The following CDK13 variants were observed in gnomAD, a reference collection of about 807,000 sequenced individuals.
The protein encoded by CDK13 is cyclin-dependent kinase 13.
CDK13 carries 40 observed loss-of-function variants against 137.6 expected under a neutral mutation model. That is an observed-to-expected ratio of 0.29 (90% CI 0.23 to 0.38). The LOEUF (loss-of-function observed/expected upper bound fraction) is 0.38, where lower values mean the gene tolerates loss of function less well. Ranked by LOEUF, CDK13 falls within the 10% of genes least tolerant of loss-of-function variation. The probability of loss-of-function intolerance (pLI) is 1.00; values close to 1 mark genes in which losing one functional copy is unlikely to be tolerated. For missense variants in CDK13, 1,704 were observed against 1,951.8 expected, an observed-to-expected ratio of 0.87 and a Z score of 2.39; for synonymous variants, 869 against 760.1, an observed-to-expected ratio of 1.14 and a Z score of -2.36.
Position 39,950,928 on chromosome 7 carries a change from A to G in CDK13, c.287A>G (p.Lys96Arg). 1 of 1,320,262 alleles carries G rather than the reference A, an allele frequency of 7.6e-7. No homozygotes were observed. Among genetic ancestry groups the G allele is most frequent in the East Asian group, 3.1e-5 (1 of 32,088 alleles). 81.8% of individuals were successfully genotyped at this position (1,320,262 alleles called of 1,614,324 possible). A position where few individuals can be genotyped will look rare whatever the true frequency, so the allele number is the denominator to read the frequency against. The change falls in exon 1 of 14, where the codon AAG (lysine) becomes AGG (arginine). Residue 96 changes from lysine to arginine, a missense_variant. Transcript: ENST00000181839. ...PLEVKRLARGKRRAGGRQKRR... is the reference protein window; with the variant it reads ...PLEVKRLARGRRRAGGRQKRR... ...GAGGTCAAGCGGCTGGCGAGAGGCA[A>G]GAGGCGCGCAGGAGGGCGGCAGAAG... is the stretch of plus-strand genomic sequence containing the variant.
chr7:40,060,166 A>G (rs1034970537), intron 7 of CDK13, among the ~76,000 whole-genome samples: 1 of 152,196 alleles, frequency 6.6e-6, no homozygotes, highest in Non-Finnish European at 1.5e-5. Flanking sequence ...TTAGAATTTG[A>G]TATACAATAT....
chr7:40,089,717 AGAGAGAGTGTGTGTGTGTGTGTGT>A (rs1361819603), intron 12 of CDK13, among the ~76,000 whole-genome samples: 3 of 143,074 alleles, frequency 2.1e-5, no homozygotes, highest in South Asian at 2.2e-4. Flanking sequence ...AGAGAGAGAG[AGAGAGAGTGTGTGTGTGTGTGTGT>A]GTGTGTGTGT....
chr7:40,085,020 T>G (rs35007718), intron 11 of CDK13, among the ~76,000 whole-genome samples: 8 of 152,140 alleles, frequency 5.3e-5, no homozygotes, highest in Non-Finnish European at 1.2e-4. Context: ...TGGGTAAAAT[T>G]TATCTTTCCT....
At chr7:39,991,508 TG>T in intron 2 of CDK13, among the ~76,000 whole-genome samples, 1 of 151,894 alleles carries the variant, frequency 6.6e-6, no homozygotes, top group Non-Finnish European at 1.5e-5. Flanking sequence ...TGTGTGTGTG[TG>T]TGTGTGTGTG....
chr7:40,022,669 CTCTG>C (rs1785152674), intron 5 of CDK13, among the ~76,000 whole-genome samples: 1 of 145,764 alleles, frequency 6.9e-6, no homozygotes, highest in Non-Finnish European at 1.5e-5. Flanking sequence ...TTTTTTTCCT[CTCTG>C]TCCCAATTGA....
chr7:40,039,471 G>A (rs1719546), intron 5 of CDK13, among the ~76,000 whole-genome samples: 2 of 112,230 alleles, frequency 1.8e-5, no homozygotes, highest in Admixed American at 2.1e-4. Context: ...ACAGAGTGTC[G>A]CCCAGGCGGG....
In CDK13 at chr7:39,982,464, C is replaced by T. The variant is rs1175809980; in HGVS notation, c.1212-5135C>T. ...AAGTCTTTGCTATTGTGAATAGTGCCGCAGTAAACATACATGTGCATGTGT... is the reference window on the plus strand; with the variant it reads ...AAGTCTTTGCTATTGTGAATAGTGCTGCAGTAAACATACATGTGCATGTGT... On this transcript the variant is annotated intron_variant, in intron 1 of 13. Transcript: ENST00000181839. 2.1e-4 allele frequency among the ~76,000 whole-genome samples: 32 copies of T among 151,964 alleles called. No homozygotes were observed. In the East Asian group the frequency reaches 5.4e-3, roughly 26 times the overall value.
chr7:39,963,628 C>T (rs1323326507), intron 1 of CDK13, among the ~76,000 whole-genome samples: 1 of 152,152 alleles, frequency 6.6e-6, no homozygotes, highest in African/African-American at 2.4e-5. Flanking sequence ...CCTTCTCCTG[C>T]CTGATTGCCC....
intron 1 of CDK13, among the ~76,000 whole-genome samples, chr7:39,972,386 C>T (rs78827656): frequency 0.04 from 6,066 of 152,208 alleles, 358 homozygotes; most frequent in African/African-American, 0.13. Flanking sequence ...AGTCTTTAGT[C>T]TCTTCATAGC....
intron 5 of CDK13, among the ~76,000 whole-genome samples, chr7:40,036,173 TAC>T (rs70996875): frequency 0.36 from 53,691 of 148,944 alleles, 9,912 homozygotes; most frequent in Non-Finnish European, 0.41. Context: ...ATAAATAAAT[TAC>T]ACACACACAC....
chr7:40,052,927 T>C lies in CDK13; in HGVS notation c.2600+5050T>C, dbSNP rs141707326. On this transcript the variant is annotated intron_variant, in intron 7 of 13. Transcript: ENST00000181839. The stretch of plus-strand genomic sequence containing the variant: ...ATTCTAGGTAATGAAAAGGATCTTC[T>C]GAGAATCACTAGACAAGATTGGAAC... Among the ~76,000 whole-genome samples the C allele has an allele frequency of 2.6e-3, 390 of 152,218 alleles. 2 individuals are homozygous for C. Among genetic ancestry groups the C allele is most frequent in the Non-Finnish European group, 4.4e-3 (297 of 68,018 alleles).
At chr7:39,990,387 C>T (rs1200839266) in intron 2 of CDK13, among the ~76,000 whole-genome samples, 1 of 152,152 alleles carries the variant, frequency 6.6e-6, no homozygotes, top group Non-Finnish European at 1.5e-5. Context: ...AAGATTAACT[C>T]ATCACCAATG....
At chr7:40,031,004 T>C (rs577847720) in intron 5 of CDK13, among the ~76,000 whole-genome samples, 2 of 152,334 alleles carry the variant, frequency 1.3e-5, no homozygotes, top group East Asian at 3.9e-4. Context: ...TCAGCTCCTT[T>C]GGGTAAACAC....
At chr7:40,027,655 CTT>C (rs761581418) in intron 5 of CDK13, among the ~76,000 whole-genome samples, 10 of 89,718 alleles carry the variant, frequency 1.1e-4, no homozygotes, top group African/African-American at 3.2e-4. Context: ...CACCCTTGGG[CTT>C]TTTTTTTTTT....
chr7:39,994,024 ATTTTTCT>A (rs1291724728), intron 2 of CDK13, among the ~76,000 whole-genome samples: 1 of 151,688 alleles, frequency 6.6e-6, no homozygotes, highest in Non-Finnish European at 1.5e-5. Context: ...GTTGTTTATT[ATTTTTCT>A]GGTGAATTGC....
intron 1 of CDK13, among the ~76,000 whole-genome samples, chr7:39,974,849 C>T (rs2116206321): frequency 6.6e-6 from 1 of 152,274 alleles, no homozygotes; most frequent in South Asian, 2.1e-4. Context: ...CAGGCGTGAG[C>T]CACAGTGCCC....
chr7:39,991,098 C>G (rs992043476), intron 2 of CDK13, among the ~76,000 whole-genome samples: 6 of 152,068 alleles, frequency 3.9e-5, no homozygotes, highest in African/African-American at 1.4e-4. Context: ...GAAGGGGGAC[C>G]ACCCCCAGGC....
Position 40,088,253 on chromosome 7 carries a change from G to T in CDK13, c.3157G>T (p.Asp1053Tyr). 3 of 1,614,112 alleles carry T rather than the reference G, an allele frequency of 1.9e-6. No homozygotes were observed. The highest frequency in any genetic ancestry group is 2.5e-6 in the Non-Finnish European group (3 of 1,180,016). The part of the protein sequence containing the change: ...PRKDLSLGLD[D>Y]SRTNTPQGVL... ...GAAGGACTTGTCTCTGGGCTTGGAT[G>T]ACAGCAGAACCAACACACCCCAGGG... The change falls in exon 12 of 14, where the codon GAC becomes TAC. Residue 1053 changes from aspartate (D) to tyrosine (Y), a missense_variant. By Grantham distance (160) the Asp-to-Tyr change is radical. This residue lies in a region of CDK13 where 475 missense variants were observed against 579.3 expected (regional missense o/e 0.82). Transcript: ENST00000181839.
chr7:40,058,098 A>G (rs1351675877), intron 7 of CDK13, among the ~76,000 whole-genome samples: 2 of 152,076 alleles, frequency 1.3e-5, no homozygotes, highest in African/African-American at 4.8e-5. Context: ...TTTAGGAAGT[A>G]AATTGGAGCT....
Sources: gnomAD v4.1 joint callset for allele counts (sites outside exome capture counted in the v4.1 genomes callset) on GRCh38, gnomAD v4.1.1 for gene constraint, gnomAD v4.1.1 regional missense constraint, MANE v1.5 for transcripts, NCBI Gene and HGNC (gene_info 2026-07-23, HGNC 2026-07-21) for gene names.